ZFAT: variants seen among roughly 807,000 people sequenced by gnomAD.
The protein encoded by ZFAT is zinc finger protein ZFAT.
ZFAT carries 64 observed loss-of-function variants against 117.7 expected under a neutral mutation model. The observed-to-expected ratio is 0.54, with a 90% CI of 0.44 to 0.67. The LOEUF (loss-of-function observed/expected upper bound fraction) is 0.67. Ranked by LOEUF, ZFAT falls within the 30% of genes least tolerant of loss-of-function variation. The pLI is 0.00. For synonymous variants in ZFAT, 679 were observed against 615.0 expected (o/e 1.10, Z -1.54); for missense variants, 1,433 against 1,584.5 (o/e 0.90, Z 1.62).
chr8:134,815,026 G>A, the ZFAT span, among the ~76,000 whole-genome samples: 1 of 151,928 alleles, frequency 6.6e-6, no homozygotes, highest in Non-Finnish European at 1.5e-5. Flanking sequence ...CTTCTATAAA[G>A]GAAAAAAGAC....
At chr8:134,609,375 T>C (rs1586810181) in intron 4 of ZFAT, among the ~76,000 whole-genome samples, 1 of 152,170 alleles carries the variant, frequency 6.6e-6, no homozygotes, top group South Asian at 2.1e-4. Flanking sequence ...AGAAACTTTC[T>C]CTAGCAACAA....
the ZFAT span, chr8:134,800,695 T>C: frequency 2.7e-5 from 10 of 376,732 alleles, no homozygotes; most frequent in African/African-American, 1.7e-4. Context: ...AGCATTCACA[T>C]AAATGAGGCA....
At chr8:134,790,778 G>C in the ZFAT span, among the ~76,000 whole-genome samples, 1 of 152,126 alleles carries the variant, frequency 6.6e-6, no homozygotes, top group Non-Finnish European at 1.5e-5. Flanking sequence ...ACTTTGGGAG[G>C]CCAAGGTGGG....
the ZFAT span, among the ~76,000 whole-genome samples, chr8:134,730,810 T>C: frequency 6.6e-6 from 1 of 152,218 alleles, no homozygotes; most frequent in Admixed American, 6.5e-5. Context: ...CAAATTCATG[T>C]CTTTTGAGCA....
chr8:134,549,585 G>A (rs1822982242), intron 11 of ZFAT, among the ~76,000 whole-genome samples: 1 of 152,142 alleles, frequency 6.6e-6, no homozygotes, highest in African/African-American at 2.4e-5. Flanking sequence ...TAGGCCCATG[G>A]CCAAAGATCT....
At chr8:134,576,090 C>A (rs1242602797) in intron 10 of ZFAT, among the ~76,000 whole-genome samples, 2 of 152,192 alleles carry the variant, frequency 1.3e-5, no homozygotes, top group African/African-American at 4.8e-5. Context: ...AGCACCAGGG[C>A]TAGATGAAAG....
rs1041086631 is a variant in ZFAT, at chr8:134,601,460, G to C, written c.2242+17C>G. 4.8e-5 allele frequency: 76 copies of C among 1,588,280 alleles called. No homozygotes were observed. Among genetic ancestry groups the C allele is most frequent in the Non-Finnish European group, 6.5e-5 (76 of 1,163,860 alleles). On this transcript the variant is annotated intron_variant, in intron 6 of 15. Transcript: ENST00000377838. ...TGGTTGTGGACAGGGCCACGCACCG[G>C]CGCTGCCTTTCCTTACCACAGTATT...
chr8:134,510,332 C>T (rs1819728575), intron 14 of ZFAT: 3 of 373,902 alleles, frequency 8.0e-6, no homozygotes, highest in Non-Finnish European at 1.6e-5. Context: ...CCTGCTCCCA[C>T]CATCTGCCAG....
At chr8:134,664,371 C>T (rs1264654154) in intron 1 of ZFAT, among the ~76,000 whole-genome samples, 3 of 152,202 alleles carry the variant, frequency 2.0e-5, no homozygotes, top group Non-Finnish European at 2.9e-5. Context: ...ACAGAGCCCA[C>T]GAGACCACAA....
the ZFAT span, among the ~76,000 whole-genome samples, chr8:134,776,077 C>T: frequency 6.6e-6 from 1 of 152,176 alleles, no homozygotes; most frequent in Non-Finnish European, 1.5e-5. Context: ...TCAGCTCTTT[C>T]AATTTCCAAC....
chr8:134,620,437 T>G (rs1016354298), intron 3 of ZFAT, among the ~76,000 whole-genome samples: 1 of 152,194 alleles, frequency 6.6e-6, no homozygotes, highest in African/African-American at 2.4e-5. Flanking sequence ...GCTGCTGCTC[T>G]GGCCTGGCAT....
intron 15 of ZFAT, among the ~76,000 whole-genome samples, chr8:134,498,147 G>C (rs1191025188): frequency 2.8e-4 from 15 of 53,476 alleles, no homozygotes; most frequent in Admixed American, 1.1e-3. Context: ...TAGGGCTGGG[G>C]TGGAGCTGGG....
At chr8:134,678,773 G>T (rs112360911) in intron 1 of ZFAT, among the ~76,000 whole-genome samples, 4 of 152,130 alleles carry the variant, frequency 2.6e-5, no homozygotes, top group African/African-American at 9.7e-5. Context: ...AGAGGCCTCA[G>T]AAATAACACC....
Position 134,634,588 on chromosome 8 carries a change from G to GACAC in ZFAT, c.448+2869_448+2872dup, listed in dbSNP as rs60734517. Among the ~76,000 whole-genome samples, 6 of 151,270 alleles carry GACAC rather than the reference G, an allele frequency of 4.0e-5. No homozygotes were observed. The Middle Eastern group carries it at 0.01, about 257-fold the overall frequency. ...AAGTCTACAAATATGTATACATATT[G>GACAC]ACACACACACACACACATTTAGGAA... On this transcript the variant is annotated intron_variant, in intron 3 of 15. Coordinates refer to ENST00000377838, the MANE Select transcript of ZFAT (RefSeq NM_020863.4).
chr8:134,631,758 C>T lies in ZFAT; in HGVS notation c.448+5703G>A, dbSNP rs114372615. Among the ~76,000 whole-genome samples, 1,113 of 152,312 alleles carry T rather than the reference C, an allele frequency of 7.3e-3. 13 individuals are homozygous for T. The highest frequency in any genetic ancestry group is 0.025 in the African/African-American group (1,057 of 41,560). On this transcript the variant is annotated intron_variant, in intron 3 of 15. Coordinates refer to ENST00000377838, the MANE Select transcript of ZFAT (RefSeq NM_020863.4). ...TGAGTGGCAAATTGGCAGCAAGCCA[C>T]GCGCACTCAAAGGCCAAAGTCCTGA...
chr8:134,537,085 A>T (rs1821898490), intron 11 of ZFAT, among the ~76,000 whole-genome samples: 2 of 152,328 alleles, frequency 1.3e-5, no homozygotes, highest in South Asian at 4.1e-4. Context: ...GATTTCTCTA[A>T]TTTTTACTGA....
chr8:134,490,350 G>A (rs117269325), intron 15 of ZFAT, among the ~76,000 whole-genome samples: 153 of 152,290 alleles, frequency 1.0e-3, no homozygotes, highest in Non-Finnish European at 2.0e-3. Flanking sequence ...TCCAACTGTC[G>A]TCAGCTTCAA....
chr8:134,492,442 T>A (rs1006968125), intron 15 of ZFAT, among the ~76,000 whole-genome samples: 2 of 152,132 alleles, frequency 1.3e-5, no homozygotes, highest in African/African-American at 2.4e-5. Flanking sequence ...CAGACAAAAG[T>A]CCAAATACAA....
chr8:134,638,002 C>T (rs1344953268), intron 2 of ZFAT, among the ~76,000 whole-genome samples: 1 of 152,192 alleles, frequency 6.6e-6, no homozygotes, highest in Non-Finnish European at 1.5e-5. Context: ...TAAGTTGCGG[C>T]TGTCAACCCC....
Sources: allele counts gnomAD v4.1 joint callset (sites outside exome capture counted in the v4.1 genomes callset), GRCh38; gene constraint gnomAD v4.1.1; transcripts MANE v1.5; gene names NCBI Gene and HGNC (gene_info 2026-07-23, HGNC 2026-07-21).